FHOD3: variants seen among roughly 807,000 people sequenced by gnomAD.
FHOD3 encodes the protein FH1/FH2 domain-containing protein 3.
FHOD3 carries 90 observed loss-of-function variants against 173.0 expected under a neutral mutation model. The observed-to-expected ratio is 0.52, with a 90% CI of 0.44 to 0.62. The LOEUF (loss-of-function observed/expected upper bound fraction) is 0.62, where lower values mean the gene tolerates loss of function less well. FHOD3 is among the 20% of genes least tolerant of loss of function. FHOD3 has a pLI of 0.00. For synonymous variants in FHOD3, 828 were observed against 823.0 expected, an observed-to-expected ratio of 1.01 and a Z score of -0.10; for missense variants, 1,945 against 2,034.7, an observed-to-expected ratio of 0.96 and a Z score of 0.85.
At chr18:36,474,019 A>C (rs2053427101) in intron 3 of FHOD3, among the ~76,000 whole-genome samples, 1 of 152,230 alleles carries the variant, frequency 6.6e-6, no homozygotes, top group African/African-American at 2.4e-5. Flanking sequence ...TGGCAGTGAC[A>C]TCCAGGTTCT....
At chr18:36,649,929 C>T (rs1568549736) in intron 11 of FHOD3, among the ~76,000 whole-genome samples, 1 of 152,126 alleles carries the variant, frequency 6.6e-6, no homozygotes, top group East Asian at 1.9e-4. Context: ...ATTTTCACAC[C>T]AAGACAACTA....
At chr18:36,530,121 T>G (rs892063065) in intron 5 of FHOD3, among the ~76,000 whole-genome samples, 14 of 152,206 alleles carry the variant, frequency 9.2e-5, no homozygotes, top group African/African-American at 3.4e-4. Flanking sequence ...TGACTTCCCT[T>G]ATCAGTCGTG....
intron 1 of FHOD3, among the ~76,000 whole-genome samples, chr18:36,307,882 A>G (rs1383498654): frequency 6.6e-6 from 1 of 152,214 alleles, no homozygotes; most frequent in East Asian, 1.9e-4. Context: ...AAAGGGAACC[A>G]CTCTTAACAC....
chr18:36,541,249 CA>C (rs770104487), intron 5 of FHOD3, among the ~76,000 whole-genome samples: 443 of 40,346 alleles, frequency 0.011, 1 homozygote, highest in Admixed American at 0.019. Context: ...GACTCTGTCT[CA>C]AAAAAAAAAA....
chr18:36,468,471 A>G (rs1387391956), intron 3 of FHOD3, among the ~76,000 whole-genome samples: 1 of 152,086 alleles, frequency 6.6e-6, no homozygotes, highest in African/African-American at 2.4e-5. Context: ...GGCTCTGGAG[A>G]CAGGCCACAG....
Position 36,760,510 on chromosome 18 carries a change from CAG to C in FHOD3, c.4450-95_4450-94del. ...GAATGTGTCTGCAAACAAAACAAGA[CAG>C]AGGAGAGGAGCTTTTCCTCAACCAC... On this transcript the variant is annotated intron_variant, in intron 26 of 28. Transcript: ENST00000590592. 5 of 1,171,462 alleles carry C rather than the reference CAG, an allele frequency of 4.3e-6. No homozygotes were observed. In the East Asian group the frequency reaches 1.3e-4, roughly 31 times the overall value. 72.6% of individuals were successfully genotyped at this position (1,171,462 alleles called of 1,614,324 possible). A position where few individuals can be genotyped will look rare whatever the true frequency, so the allele number is the denominator to read the frequency against.
chr18:36,742,975 G>A (rs747629087), intron 22 of FHOD3, 119 bp downstream of exon 22: 19 of 1,376,208 alleles, frequency 1.4e-5, no homozygotes, highest in African/African-American at 5.8e-5. Context: ...AATGACTTTT[G>A]TGTCTTCTTG....
At chr18:36,515,366 T>C (rs1439422108) in intron 5 of FHOD3, among the ~76,000 whole-genome samples, 1 of 152,102 alleles carries the variant, frequency 6.6e-6, no homozygotes, top group Non-Finnish European at 1.5e-5. Context: ...TACAGGCGCC[T>C]GCCACCACAC....
intron 1 of FHOD3, among the ~76,000 whole-genome samples, chr18:36,308,000 T>A (rs142035405): frequency 3.3e-5 from 5 of 152,342 alleles, no homozygotes; most frequent in Non-Finnish European, 7.3e-5. Flanking sequence ...AGTTAGGTAA[T>A]CCAGTCTATG....
chr18:36,748,440 T>A (rs1327802774), intron 24 of FHOD3, among the ~76,000 whole-genome samples: 2 of 151,260 alleles, frequency 1.3e-5, no homozygotes, highest in Non-Finnish European at 2.9e-5. Context: ...CAACTATTAT[T>A]TGGAACGTCA....
chr18:36,691,700 C>T (rs553976846), intron 16 of FHOD3, among the ~76,000 whole-genome samples: 5 of 152,212 alleles, frequency 3.3e-5, no homozygotes, highest in Non-Finnish European at 7.3e-5. Flanking sequence ...TGAATGCAAG[C>T]TCATTCCCCA....
intron 17 of FHOD3, 117 bp downstream of exon 17, chr18:36,693,540 C>A (rs1373112405): frequency 4.2e-6 from 4 of 948,746 alleles, no homozygotes; most frequent in Non-Finnish European, 6.4e-6. Context: ...TATGGGTACA[C>A]TTTGTTGGGG....
At chr18:36,527,907 T>G (rs1003732544) in intron 5 of FHOD3, among the ~76,000 whole-genome samples, 5 of 152,202 alleles carry the variant, frequency 3.3e-5, no homozygotes, top group African/African-American at 1.2e-4. Context: ...GACTTTACCC[T>G]TTGTCCTACC....
At chr18:36,513,351 T>G (rs1335112361) in intron 5 of FHOD3, among the ~76,000 whole-genome samples, 1 of 152,162 alleles carries the variant, frequency 6.6e-6, no homozygotes, top group Non-Finnish European at 1.5e-5. Flanking sequence ...CTCAAAGAAG[T>G]CATTAAATAA....
intron 27 of FHOD3, among the ~76,000 whole-genome samples, chr18:36,766,645 C>T (rs2043150890): frequency 1.3e-5 from 2 of 152,098 alleles, no homozygotes; most frequent in South Asian, 2.1e-4. Flanking sequence ...TAAAGTAGAA[C>T]CAGGAATGAA....
chr18:36,602,957 C>T (rs751350007), intron 8 of FHOD3, among the ~76,000 whole-genome samples, 189 bp downstream of exon 8: 12 of 152,056 alleles, frequency 7.9e-5, no homozygotes, highest in South Asian at 2.1e-4. Context: ...AGAGGGAAGA[C>T]GATGTGAACA....
At chr18:36,421,606 G>A (rs1328079328) in intron 3 of FHOD3, among the ~76,000 whole-genome samples, 1 of 152,220 alleles carries the variant, frequency 6.6e-6, no homozygotes, top group African/African-American at 2.4e-5. Flanking sequence ...GACATATACT[G>A]TTGAAAATGT....
chr18:36,429,905 T>C (rs138455818), intron 3 of FHOD3, among the ~76,000 whole-genome samples: 1 of 152,214 alleles, frequency 6.6e-6, no homozygotes, highest in East Asian at 1.9e-4. Context: ...TGGGTGGACT[T>C]CTGGGGCTTG....
At chr18:36,519,763 G>A (rs567082575) in intron 5 of FHOD3, among the ~76,000 whole-genome samples, 13 of 152,292 alleles carry the variant, frequency 8.5e-5, no homozygotes, top group East Asian at 5.8e-4. Context: ...CAGCATCCAC[G>A]ACCCTGAGCC....
Sources: allele counts gnomAD v4.1 joint callset (sites outside exome capture counted in the v4.1 genomes callset), GRCh38; gene constraint gnomAD v4.1.1; transcripts MANE v1.5; gene names NCBI Gene and HGNC (gene_info 2026-07-23, HGNC 2026-07-21).